The following TPCN1 variants were observed in gnomAD, a reference collection of about 807,000 sequenced individuals.
The protein encoded by TPCN1 is two pore channel protein 1.
Under a neutral mutation model 108.8 loss-of-function variants are expected in TPCN1, and 52 were observed. The ratio of observed to expected loss-of-function variants is 0.48; its 90% confidence interval spans 0.38 to 0.60. The LOEUF (loss-of-function observed/expected upper bound fraction) is 0.60, where lower values mean the gene tolerates loss of function less well. Ranked by LOEUF, TPCN1 falls within the 20% of genes least tolerant of loss-of-function variation. TPCN1 has a pLI of 0.00. For missense variants in TPCN1, 806 were observed against 1,072.8 expected (o/e 0.75, Z 3.47); for synonymous variants, 446 against 433.7 (o/e 1.03, Z -0.35).
chr12:113,292,677 T>C (rs1956306140), intron 25 of TPCN1: 1 of 410,948 alleles, frequency 2.4e-6, no homozygotes, highest in South Asian at 4.2e-5. Context: ...TCTGACCATT[T>C]TCTCTGTGCT....
chr12:113,244,680 CG>C, intron 2 of TPCN1: 1 of 985,388 alleles, frequency 1.0e-6, no homozygotes, highest in Non-Finnish European at 1.2e-6. Context: ...AACTGGCAAG[CG>C]GCGGGGCGGT....
intron 14 of TPCN1, among the ~76,000 whole-genome samples, chr12:113,279,385 A>ATT (rs1566189593): frequency 0.017 from 372 of 21,614 alleles, 2 homozygotes; most frequent in South Asian, 0.024. Flanking sequence ...ATATATATAT[A>ATT]TATATATTTT....
At chr12:113,261,013 T>C (rs185972402) in intron 3 of TPCN1, among the ~76,000 whole-genome samples, 1 of 152,122 alleles carries the variant, frequency 6.6e-6, no homozygotes. Context: ...GCCAACATAG[T>C]GAAACCCTGT....
intron 14 of TPCN1, among the ~76,000 whole-genome samples, chr12:113,279,391 ATTTT>A (rs60898872): frequency 1.9e-4 from 2 of 10,484 alleles, no homozygotes; most frequent in African/African-American, 1.0e-3. Context: ...ATATATATAT[ATTTT>A]TTTTTTTTTT....
At position 113,266,050 on chromosome 12, in the gene TPCN1, C is replaced by T; in HGVS notation, c.238-130C>T. The T allele has an allele frequency of 2.1e-6, 2 of 972,952 alleles. No individual in the cohort carries two copies. The highest frequency in any genetic ancestry group is 2.3e-5 in the Admixed American group (1 of 42,956). 60.3% of individuals were successfully genotyped at this position (972,952 alleles called of 1,614,324 possible). A position where few individuals can be genotyped will look rare whatever the true frequency, so the allele number is the denominator to read the frequency against. On this transcript the variant is annotated intron_variant, in intron 3 of 27. Coordinates refer to ENST00000335509, the MANE Select transcript of TPCN1 (RefSeq NM_017901.6). This position sits in a 1 kb window ranked among gnomAD's most constrained non-coding sequence, Gnocchi z 4.2. Reference sequence around the variant, plus strand: ...CGCGAAGATCATTTTGATTTTCCAGCATCTTCTGTCTCTGGCCTGAATCTC... The same window carrying T: ...CGCGAAGATCATTTTGATTTTCCAGTATCTTCTGTCTCTGGCCTGAATCTC...
At position 113,269,966 on chromosome 12, in the gene TPCN1, G is replaced by A. The variant is rs1266454711; in HGVS notation, c.748+121G>A. 2 of 1,045,332 alleles carry A rather than the reference G, an allele frequency of 1.9e-6. No homozygotes were observed. Among genetic ancestry groups the A allele is most frequent in the South Asian group, 1.4e-5 (1 of 70,926 alleles). 64.8% of individuals were successfully genotyped at this position (1,045,332 alleles called of 1,614,324 possible). ...AATCCTAGCATTTTGGGAGGCCAAG[G>A]TGGGTGGGTAACCTAGGTCAGGAGT... On this transcript the variant is annotated intron_variant, in intron 7 of 27. Transcript: ENST00000335509. The surrounding 1 kb of genome is among the most constrained non-coding windows in gnomAD (Gnocchi z 5.0).
chr12:113,266,470 C>CA lies in TPCN1; in HGVS notation c.414+115dup. On this transcript the variant is annotated intron_variant, in intron 4 of 27. Transcript: ENST00000335509. This position sits in a 1 kb window ranked among gnomAD's most constrained non-coding sequence, Gnocchi z 4.2. ...GCAAACACTGCAAACGGACTTAAAA[C>CA]AGAGAGATACGAGGTGGTCATAGAG... The CA allele has an allele frequency of 7.2e-7, 1 of 1,389,410 alleles. No homozygotes were observed. Among genetic ancestry groups the CA allele is most frequent in the Non-Finnish European group, 9.8e-7 (1 of 1,015,270 alleles). The allele number at this position is 1,389,410 out of a possible 1,614,324, so 86.1% of individuals were successfully genotyped here. A position where few individuals can be genotyped will look rare whatever the true frequency, so the allele number is the denominator to read the frequency against.
At chr12:113,260,746 G>A (rs1457969756) in intron 3 of TPCN1, among the ~76,000 whole-genome samples, 1 of 152,132 alleles carries the variant, frequency 6.6e-6, no homozygotes, top group Non-Finnish European at 1.5e-5. Context: ...CTGGCCACTC[G>A]GCCTTCCCTG....
At chr12:113,229,684 G>T (rs539077511) in intron 2 of TPCN1, among the ~76,000 whole-genome samples, 1 of 152,098 alleles carries the variant, frequency 6.6e-6, no homozygotes, top group Admixed American at 6.5e-5. Context: ...GGAGACGGGG[G>T]TTTTACCATG....
intron 17 of TPCN1, among the ~76,000 whole-genome samples, chr12:113,285,030 G>A (rs1217221746): frequency 2.0e-5 from 3 of 152,236 alleles, no homozygotes; most frequent in Non-Finnish European, 4.4e-5. Context: ...CGTGTCCCCC[G>A]CTGCACACTG....
intron 2 of TPCN1, among the ~76,000 whole-genome samples, chr12:113,236,577 C>G (rs1449238184): frequency 2.0e-5 from 3 of 151,528 alleles, no homozygotes; most frequent in Non-Finnish European, 4.4e-5. Context: ...TGTCACTGCA[C>G]TCCAGCCTGC....
intron 2 of TPCN1, among the ~76,000 whole-genome samples, chr12:113,243,806 T>G (rs141379146): frequency 9.9e-5 from 15 of 152,120 alleles, no homozygotes; most frequent in African/African-American, 3.4e-4. Flanking sequence ...TAGAAAGGTG[T>G]TCTCAAGGCA....
intron 2 of TPCN1, among the ~76,000 whole-genome samples, chr12:113,244,038 T>C (rs984432936): frequency 3.9e-5 from 6 of 152,170 alleles, no homozygotes; most frequent in African/African-American, 1.2e-4. Flanking sequence ...ATAGAACTGC[T>C]CTCCGCTTCC....
In TPCN1 at chr12:113,231,532, T is replaced by C. The variant is rs116179032; in HGVS notation, c.112+4568T>C. 6.4e-3 allele frequency among the ~76,000 whole-genome samples: 968 copies of C among 152,254 alleles called. 4 individuals are homozygous for C. The highest frequency in any genetic ancestry group is 0.023 in the African/African-American group (945 of 41,526). On this transcript the variant is annotated intron_variant, in intron 2 of 27. Coordinates refer to ENST00000335509, the MANE Select transcript of TPCN1 (RefSeq NM_017901.6). This position sits in a 1 kb window ranked among gnomAD's most constrained non-coding sequence, Gnocchi z 4.3. The stretch of plus-strand genomic sequence containing the variant: ...TACTGGGGGTTAGGACTTCAGCCTA[T>C]GAATTTGAGGGGGACACAGTTCAGG...
chr12:113,287,045 A>G lies in TPCN1; in HGVS notation c.1585A>G (p.Met529Val), dbSNP rs199547525. 59 of 1,613,790 alleles carry G rather than the reference A, an allele frequency of 3.7e-5. No homozygotes were observed. Among genetic ancestry groups the G allele is most frequent in the Non-Finnish European group, 4.7e-5 (56 of 1,179,970 alleles). The change falls in exon 19 of 28, where the codon ATG becomes GTG. Residue 529 changes from methionine (M) to valine (V), a missense_variant. By Grantham distance (21) the Met-to-Val change is conservative. Transcript: ENST00000335509. ...FLGLLALALN[M>V]EPFYFIVVLR... ...GGGACTGCTGGCGCTGGCCCTCAACATGGAGCCCTTCTATTTCATCGTGGT... is the reference window on the plus strand; with the variant it reads ...GGGACTGCTGGCGCTGGCCCTCAACGTGGAGCCCTTCTATTTCATCGTGGT...
intron 15 of TPCN1, among the ~76,000 whole-genome samples, chr12:113,281,983 T>C (rs6489896): frequency 0.11 from 15,757 of 148,818 alleles, 970 homozygotes; most frequent in East Asian, 0.2. Context: ...TGCAGTGGCA[T>C]GATCTTGGCT....
rs539686814 is a variant in TPCN1 at position 113,292,258 on chromosome 12, G to A, written c.2113+300G>A. 24 of 386,766 alleles carry A rather than the reference G, an allele frequency of 6.2e-5. No homozygotes were observed. The East Asian group carries it at 7.9e-4, about 13-fold the overall frequency. 24.0% of individuals were successfully genotyped at this position (386,766 alleles called of 1,614,324 possible). On this transcript the variant is annotated intron_variant, in intron 25 of 27. Coordinates refer to ENST00000335509, the MANE Select transcript of TPCN1 (RefSeq NM_017901.6). ...AGCCCCTGCCCTGCCTTTCCCTCCC[G>A]TCCTCCAGAGGCTTCTCCTTCTTGG...
At chr12:113,255,831 GTTA>G (rs1954812776) in intron 2 of TPCN1, among the ~76,000 whole-genome samples, 1 of 151,564 alleles carries the variant, frequency 6.6e-6, no homozygotes, top group African/African-American at 2.4e-5. Flanking sequence ...TGCCTGGCCT[GTTA>G]TTATTATTGA....
At chr12:113,294,174 CCCTGGGCT>C (rs1956357803) in intron 27 of TPCN1, 1 of 152,180 alleles carries the variant, frequency 6.6e-6, no homozygotes, top group African/African-American at 2.4e-5. Context: ...AGCCTCCAAC[CCCTGGGCT>C]CAAGTGATCC....
Sources: gnomAD v4.1 joint callset for allele counts (sites outside exome capture counted in the v4.1 genomes callset) on GRCh38, gnomAD v4.1.1 for gene constraint, Gnocchi (gnomAD v3.1) non-coding constraint, MANE v1.5 for transcripts, NCBI Gene and HGNC (gene_info 2026-07-23, HGNC 2026-07-21) for gene names.